The following MARK3 variants were observed in gnomAD, a reference collection of about 807,000 sequenced individuals.
The protein encoded by MARK3 is MAP/microtubule affinity-regulating kinase 3.
Under a neutral mutation model 90.1 loss-of-function variants are expected in MARK3, and 46 were observed. That is an observed-to-expected ratio of 0.51 (90% CI 0.40 to 0.65). The LOEUF (loss-of-function observed/expected upper bound fraction) is 0.65, where lower values mean the gene tolerates loss of function less well. Among genes scored for constraint, MARK3 ranks in the 30% least tolerant of loss-of-function variants. MARK3 has a pLI of 0.00. For missense variants in MARK3, 818 were observed against 947.2 expected (o/e 0.86, Z 1.79); for synonymous variants, 321 against 332.6 (o/e 0.97, Z 0.38).
chr14:103,410,855 A>G (rs1274437997), intron 2 of MARK3, among the ~76,000 whole-genome samples: 1 of 151,884 alleles, frequency 6.6e-6, no homozygotes, highest in Non-Finnish European at 1.5e-5. Flanking sequence ...ACTCCTTTTA[A>G]CTGTTTATGA....
chr14:103,410,038 T>C (rs2091540654), intron 2 of MARK3, among the ~76,000 whole-genome samples: 1 of 152,254 alleles, frequency 6.6e-6, no homozygotes, highest in Admixed American at 6.5e-5. Flanking sequence ...ACTTTATTAT[T>C]CTACCAAAAT....
At chr14:103,433,780 G>A (rs890397871) in intron 3 of MARK3, among the ~76,000 whole-genome samples, 2 of 152,156 alleles carry the variant, frequency 1.3e-5, no homozygotes, top group African/African-American at 4.8e-5. Context: ...CTTAATTTAG[G>A]TTTGGGAATG....
intron 2 of MARK3, among the ~76,000 whole-genome samples, chr14:103,409,787 G>A (rs2140791346): frequency 6.6e-6 from 1 of 152,316 alleles, no homozygotes; most frequent in East Asian, 1.9e-4. Context: ...TCTAAAGGCA[G>A]CATAGTCTTC....
chr14:103,448,313 A>G (rs538244651), intron 3 of MARK3, among the ~76,000 whole-genome samples: 4 of 152,214 alleles, frequency 2.6e-5, no homozygotes, highest in Middle Eastern at 3.4e-3. Context: ...AGCAGATTAC[A>G]TGGCCAGGTC....
At chr14:103,491,247 C>G (rs550321149) in intron 14 of MARK3, 1 of 500,970 alleles carries the variant, frequency 2.0e-6, no homozygotes, top group Admixed American at 3.9e-5. Context: ...TTAAGCACAT[C>G]TTTTGTCATG....
chr14:103,430,096 G>C (rs1336390462), intron 3 of MARK3, among the ~76,000 whole-genome samples: 4 of 152,078 alleles, frequency 2.6e-5, no homozygotes, highest in Non-Finnish European at 5.9e-5. Flanking sequence ...GTGTGATTAT[G>C]CATATTTGCA....
chr14:103,428,791 T>G (rs968024822), intron 3 of MARK3, among the ~76,000 whole-genome samples: 1 of 152,206 alleles, frequency 6.6e-6, no homozygotes, highest in Admixed American at 6.5e-5. Context: ...TAATTGATAT[T>G]GTGCAAATTT....
intron 10 of MARK3, 92 bp from the exon 11 acceptor site, chr14:103,466,987 A>G (rs183647158): frequency 4.4e-5 from 26 of 596,098 alleles, no homozygotes; most frequent in Admixed American, 8.6e-5. Flanking sequence ...CTGGGCAACA[A>G]GAGTGAAACT....
intron 1 of MARK3, 125 bp downstream of exon 1, chr14:103,386,205 A>G (rs2089779702): frequency 2.2e-6 from 2 of 929,672 alleles, no homozygotes; most frequent in Non-Finnish European, 3.5e-6. Context: ...GGCCGTAGTC[A>G]CCCAGGAGGC....
intron 12 of MARK3, among the ~76,000 whole-genome samples, chr14:103,473,110 C>T (rs2093658864): frequency 6.6e-6 from 1 of 152,160 alleles, no homozygotes; most frequent in Admixed American, 6.6e-5. Context: ...CATGGATGCC[C>T]ATTCATATAA....
intron 1 of MARK3, among the ~76,000 whole-genome samples, chr14:103,390,556 C>A (rs1193457266): frequency 6.6e-6 from 1 of 152,108 alleles, no homozygotes; most frequent in Non-Finnish European, 1.5e-5. Flanking sequence ...AGATAAAATA[C>A]ACTAACACTA....
intron 2 of MARK3, among the ~76,000 whole-genome samples, chr14:103,427,138 G>A (rs35799018): frequency 0.29 from 42,901 of 146,040 alleles, 7,203 homozygotes; most frequent in Non-Finnish European, 0.36. Context: ...ATAACAATAC[G>A]TTTATTAGTT....
chr14:103,463,518 G>A (rs566141360), intron 7 of MARK3, among the ~76,000 whole-genome samples: 1 of 152,250 alleles, frequency 6.6e-6, no homozygotes, highest in Admixed American at 6.5e-5. Context: ...TTCTCATTCA[G>A]GTGTCTGATG....
intron 12 of MARK3, among the ~76,000 whole-genome samples, chr14:103,474,703 G>A (rs2093686551): frequency 6.6e-6 from 1 of 151,938 alleles, no homozygotes; most frequent in South Asian, 2.1e-4. Flanking sequence ...TAATTAGTTT[G>A]AATCTATGCA....
intron 15 of MARK3, among the ~76,000 whole-genome samples, chr14:103,498,147 G>A (rs528784649): frequency 6.6e-6 from 1 of 151,984 alleles, no homozygotes; most frequent in African/African-American, 2.4e-5. Flanking sequence ...AACCCGGGAG[G>A]CATAGGTTGC....
rs1318967450 is a variant in MARK3, at chr14:103,480,285, TAAATA to T, written c.1483-98_1483-94del. The T allele has an allele frequency of 8.1e-6, 6 of 738,404 alleles. No individual in the cohort carries two copies. The Admixed American group carries it at 1.2e-4, about 14-fold the overall frequency. The allele number at this position is 738,404 out of a possible 1,614,324, so 45.7% of individuals were successfully genotyped here. On this transcript the variant is annotated intron_variant, in intron 13 of 17. Transcript: ENST00000429436. ...GTAAGACCTTGCCTCAAAAAACAAG[TAAATA>T]AAAGACTGACATTCCTATTTATGTA...
At chr14:103,446,626 TGCCATG>T (rs1231106890) in intron 3 of MARK3, among the ~76,000 whole-genome samples, 3 of 151,742 alleles carry the variant, frequency 2.0e-5, no homozygotes, top group Non-Finnish European at 2.9e-5. Flanking sequence ...GTTGCAGGGA[TGCCATG>T]GCCATGGTCA....
At chr14:103,450,641 T>G (rs577814862) in intron 4 of MARK3, among the ~76,000 whole-genome samples, 2 of 152,316 alleles carry the variant, frequency 1.3e-5, no homozygotes, top group South Asian at 4.1e-4. Flanking sequence ...TATCAGAGTC[T>G]AGGGAATGGT....
chr14:103,462,128 T>C (rs2093414195), intron 6 of MARK3, among the ~76,000 whole-genome samples: 1 of 151,498 alleles, frequency 6.6e-6, no homozygotes, highest in South Asian at 2.1e-4. Flanking sequence ...GTCCTGGCAC[T>C]ACACTGTAAG....
Sources: gnomAD v4.1 joint callset for allele counts (sites outside exome capture counted in the v4.1 genomes callset) on GRCh38, gnomAD v4.1.1 for gene constraint, MANE v1.5 for transcripts, NCBI Gene and HGNC (gene_info 2026-07-23, HGNC 2026-07-21) for gene names.